Variants in DNM1 observed in about 807,000 individuals in gnomAD.
The protein encoded by DNM1 is dynamin 1, also known as dynamin-1.
In DNM1, 29 loss-of-function variants were observed where a neutral mutation model predicts 104.6. That is an observed-to-expected ratio of 0.28 (90% CI 0.21 to 0.38). The LOEUF (loss-of-function observed/expected upper bound fraction) is 0.38, where lower values mean the gene tolerates loss of function less well. DNM1 is among the 10% of genes least tolerant of loss of function. The pLI is 1.00. For synonymous variants in DNM1, 445 were observed against 475.8 expected, an observed-to-expected ratio of 0.94 and a Z score of 0.84; for missense variants, 640 against 1,189.4, an observed-to-expected ratio of 0.54 and a Z score of 6.79.
Position 128,218,655 on chromosome 9 carries a change from C to G in DNM1, c.309C>G (p.Ala103=). The G allele has an allele frequency of 1.2e-6, 2 of 1,613,474 alleles. No individual in the cohort carries two copies. The highest frequency in any genetic ancestry group is 1.7e-6 in the Non-Finnish European group (2 of 1,179,664). Residue 103 remains alanine (A), a synonymous_variant, in exon 3 of 22, where the codon GCC becomes GCG. Transcript: ENST00000372923. This position sits in a 1 kb window ranked among gnomAD's most constrained non-coding sequence, Gnocchi z 4.8. ...AGGAGGTGCGCCTTGAGATCGAGGC[C>G]GAGACCGACAGGGTCACCGGCACCA... ...DFEEVRLEIE[A]ETDRVTGTNK...
intron 10 of DNM1, among the ~76,000 whole-genome samples, chr9:128,231,731 G>A (rs1204622353): frequency 6.6e-6 from 1 of 152,144 alleles, no homozygotes; most frequent in Admixed American, 6.5e-5. Context: ...TTTAATGTTG[G>A]GCATGGGATG....
chr9:128,244,589 G>C, intron 15 of DNM1: 1 of 196,052 alleles, frequency 5.1e-6, no homozygotes, highest in Non-Finnish European at 1.1e-5. Flanking sequence ...CCCCCAACCA[G>C]TCCCACACAG....
chr9:128,250,421 GA>G, intron 20 of DNM1, 65 bp downstream of exon 20: 6 of 1,477,794 alleles, frequency 4.1e-6, no homozygotes, highest in Non-Finnish European at 5.4e-6. Context: ...GGAATGCCGG[GA>G]CCGGGCAGTG....
In DNM1 at chr9:128,220,923, T is replaced by TTCTTTCTTTCTTTC; in HGVS notation, c.849+595_849+596insCTCTTTCTTTCTTT. ...TTTCTTTCTTTCTTTCTTTCTTTCT[T>TTCTTTCTTTCTTTC]TCTTTCTTTCTTTTCTTTTCTTTCT... On this transcript the variant is annotated intron_variant, in intron 6 of 21. Coordinates refer to ENST00000372923, the MANE Select transcript of DNM1 (RefSeq NM_004408.4). This position sits in a 1 kb window ranked among gnomAD's most constrained non-coding sequence, Gnocchi z 5.2. Among the ~76,000 whole-genome samples the TTCTTTCTTTCTTTC allele has an allele frequency of 6.7e-6, 1 of 148,422 alleles. No homozygotes were observed. The highest frequency in any genetic ancestry group is 2.0e-4 in the East Asian group (1 of 5,060).
chr9:128,217,938 G>A (rs923116693), intron 1 of DNM1, among the ~76,000 whole-genome samples: 2 of 152,158 alleles, frequency 1.3e-5, no homozygotes, highest in Non-Finnish European at 2.9e-5. Context: ...TGGCTGAGTT[G>A]GGGCAGGGAC....
At position 128,240,338 on chromosome 9, in the gene DNM1, C is replaced by G. The variant is rs1261597918; in HGVS notation, c.1557+342C>G. 3.1e-6 allele frequency: 1 copy of G among 317,976 alleles called. No homozygotes were observed. The highest frequency in any genetic ancestry group is 3.7e-5 in the South Asian group (1 of 26,672). The allele number at this position is 317,976 out of a possible 1,614,324, so 19.7% of individuals were successfully genotyped here. On this transcript the variant is annotated intron_variant, in intron 14 of 21. Transcript: ENST00000372923. This position sits in a 1 kb window ranked among gnomAD's most constrained non-coding sequence, Gnocchi z 5.1. ...ACATTTTTAAGAAGCTGACAGCCATCGCCTCCGGACTTGAATGAAGAGACG... is the reference window on the plus strand; with the variant it reads ...ACATTTTTAAGAAGCTGACAGCCATGGCCTCCGGACTTGAATGAAGAGACG...
chr9:128,230,155 T>C (rs945331835), intron 10 of DNM1, among the ~76,000 whole-genome samples: 1 of 149,942 alleles, frequency 6.7e-6, no homozygotes, highest in African/African-American at 2.5e-5. Context: ...AGGCGGAGGT[T>C]GCAGTTAGCC....
In DNM1 at chr9:128,243,324, C is replaced by T. The variant is rs1297583316; in HGVS notation, c.1671+979C>T. 6.6e-6 allele frequency among the ~76,000 whole-genome samples: 1 copy of T among 152,100 alleles called. No individual in the cohort carries two copies. Among genetic ancestry groups the T allele is most frequent in the African/African-American group, 2.4e-5 (1 of 41,422 alleles). On this transcript the variant is annotated intron_variant, in intron 15 of 21. Coordinates refer to ENST00000372923, the MANE Select transcript of DNM1 (RefSeq NM_004408.4). This position sits in a 1 kb window ranked among gnomAD's most constrained non-coding sequence, Gnocchi z 4.0. ...GCTTGTGGTAATGAACTCCAGCTGG[C>T]CAAGGAGTGGGGGAAGGGACCCTCT...
chr9:128,222,412 C>T lies in DNM1; in HGVS notation c.993-49C>T. ...CAGCGTGGGGCTCTCCCAGGGTTCC[C>T]TTTGCTGGGCTGCTCCTGCCCCCTC... On this transcript the variant is annotated intron_variant, in intron 7 of 21. Coordinates refer to ENST00000372923, the MANE Select transcript of DNM1 (RefSeq NM_004408.4). This position sits in a 1 kb window ranked among gnomAD's most constrained non-coding sequence, Gnocchi z 7.8. 6.2e-7 allele frequency: 1 copy of T among 1,610,524 alleles called. No homozygotes were observed. Among genetic ancestry groups the T allele is most frequent in the East Asian group, 2.2e-5 (1 of 44,768 alleles).
chr9:128,242,184 G>T, intron 14 of DNM1, 48 bp from the exon 15 acceptor site: 2 of 1,080,962 alleles, frequency 1.9e-6, no homozygotes, highest in South Asian at 1.3e-5. Flanking sequence ...ATCCCCCATG[G>T]GGAGGCTCAG....
In DNM1 at chr9:128,253,320, G is replaced by T. The variant is rs1046575662; in HGVS notation, c.2535-1334G>T. The T allele has an allele frequency of 6.4e-6, 4 of 625,252 alleles. No homozygotes were observed. Among genetic ancestry groups the T allele is most frequent in the Non-Finnish European group, 1.1e-5 (4 of 353,200 alleles). 38.7% of individuals were successfully genotyped at this position (625,252 alleles called of 1,614,324 possible). ...TGGCTCTCTCACCTCCCTTCCCTGCGAGCCTCGGGACTCAGTGCCACTGCC... is the reference window on the plus strand; with the variant it reads ...TGGCTCTCTCACCTCCCTTCCCTGCTAGCCTCGGGACTCAGTGCCACTGCC... On this transcript the variant is annotated intron_variant, in intron 21 of 21. Coordinates refer to ENST00000372923, the MANE Select transcript of DNM1 (RefSeq NM_004408.4). This position sits in a 1 kb window ranked among gnomAD's most constrained non-coding sequence, Gnocchi z 5.9.
Position 128,218,858 on chromosome 9 carries a change from C to A in DNM1, c.385+127C>A, listed in dbSNP as rs1330344072. 7 of 1,373,338 alleles carry A rather than the reference C, an allele frequency of 5.1e-6. No homozygotes were observed. In the African/African-American group the frequency reaches 1.0e-4, roughly 20 times the overall value. 85.1% of individuals were successfully genotyped at this position (1,373,338 alleles called of 1,614,324 possible). ...TGCCTCTGCATCATCCTATTCCAAG[C>A]TCCACCCTGCCGTGATTCCGCCCAC... is the stretch of plus-strand genomic sequence containing the variant. On this transcript the variant is annotated intron_variant, in intron 3 of 21. Coordinates refer to ENST00000372923, the MANE Select transcript of DNM1 (RefSeq NM_004408.4). This position sits in a 1 kb window ranked among gnomAD's most constrained non-coding sequence, Gnocchi z 4.8.
In DNM1 at chr9:128,218,545, A is replaced by G; in HGVS notation, c.236-37A>G. On this transcript the variant is annotated intron_variant, in intron 2 of 21. Coordinates refer to ENST00000372923, the MANE Select transcript of DNM1 (RefSeq NM_004408.4). The surrounding 1 kb of genome is among the most constrained non-coding windows in gnomAD (Gnocchi z 4.8). The stretch of plus-strand genomic sequence containing the variant: ...CCCCCAGGTGGGGTTCCAGACCTTG[A>G]TGCCTACTGCCCTTCCCCTGCCCGC... The G allele has an allele frequency of 6.3e-7, 1 of 1,587,768 alleles. No individual in the cohort carries two copies. The highest frequency in any genetic ancestry group is 8.6e-7 in the Non-Finnish European group (1 of 1,162,638).
At position 128,224,448 on chromosome 9, in the gene DNM1, G is replaced by C. The variant is rs898887106; in HGVS notation, c.1335+59G>C. On this transcript the variant is annotated intron_variant, in intron 10 of 21. Coordinates refer to ENST00000372923, the MANE Select transcript of DNM1 (RefSeq NM_004408.4). This position sits in a 1 kb window ranked among gnomAD's most constrained non-coding sequence, Gnocchi z 4.3. ...TCTGCCCCGCCCTGCACTGCTGCCA[G>C]GCGCTCCTTCCCCATGTCCCCCCCT... The C allele has an allele frequency of 3.9e-6, 6 of 1,537,766 alleles. No homozygotes were observed. Among genetic ancestry groups the C allele is most frequent in the Non-Finnish European group, 5.3e-6 (6 of 1,132,670 alleles).
At chr9:128,231,515 ATTGGT>A (rs1224544301) in intron 10 of DNM1, among the ~76,000 whole-genome samples, 5 of 151,884 alleles carry the variant, frequency 3.3e-5, no homozygotes, top group African/African-American at 1.2e-4. Flanking sequence ...TTGCCTTTTG[ATTGGT>A]TTAGTGGATC....
chr9:128,254,688 A>G lies in DNM1; in HGVS notation c.2569A>G (p.Ser857Gly). Residue 857 changes from serine (S) to glycine (G), a missense_variant, in exon 22 of 22, where the codon AGC becomes GGC. By Grantham distance (56) the Ser-to-Gly change is moderately conservative (BLOSUM62 0). Around this residue, in one of 7 missense-constraint regions of DNM1, gnomAD observed 37 missense variants for 35.6 expected, o/e 1.04. Coordinates refer to ENST00000372923, the MANE Select transcript of DNM1 (RefSeq NM_004408.4). The surrounding 1 kb of genome is among the most constrained non-coding windows in gnomAD (Gnocchi z 6.1). ...TCAGGCAAGTCCATCCCGTCCTGAGAGCCCCAGGCCCCCCTTCGACCTCTA... is the reference window on the plus strand; with the variant it reads ...TCAGGCAAGTCCATCCCGTCCTGAGGGCCCCAGGCCCCCCTTCGACCTCTA... ...SGQASPSRPE[S>G]PRPPFDL The G allele has an allele frequency of 6.3e-7, 1 of 1,595,490 alleles. No individual in the cohort carries two copies. The highest frequency in any genetic ancestry group is 8.5e-7 in the Non-Finnish European group (1 of 1,179,462).
At chr9:128,225,746 G>A (rs1835301653) in intron 10 of DNM1, among the ~76,000 whole-genome samples, 2 of 152,060 alleles carry the variant, frequency 1.3e-5, no homozygotes, top group Non-Finnish European at 2.9e-5. Context: ...GGTCTTGTAC[G>A]GAGCAGGGGC....
intron 1 of DNM1, among the ~76,000 whole-genome samples, chr9:128,214,064 C>G (rs1202769277): frequency 6.6e-6 from 1 of 152,100 alleles, no homozygotes; most frequent in African/African-American, 2.4e-5. Flanking sequence ...TGCCCACCCC[C>G]CTTGCCTTCC....
In DNM1 at chr9:128,220,348, G is replaced by T. The variant is rs779667787; in HGVS notation, c.849+7G>T. 6.2e-7 allele frequency: 1 copy of T among 1,612,854 alleles called. No individual in the cohort carries two copies. Among genetic ancestry groups the T allele is most frequent in the Admixed American group, 1.7e-5 (1 of 60,024 alleles). ...GCAGAAGGTCCTCAATCAGGTAGGC[G>T]ACCAAGCCAGGATGGGGCCTGGGGA... On this transcript the variant is annotated splice_region_variant and intron_variant, in intron 6 of 21. Coordinates refer to ENST00000372923, the MANE Select transcript of DNM1 (RefSeq NM_004408.4). This position sits in a 1 kb window ranked among gnomAD's most constrained non-coding sequence, Gnocchi z 5.2.
Sources: gnomAD v4.1 joint callset for allele counts (sites outside exome capture counted in the v4.1 genomes callset) on GRCh38, gnomAD v4.1.1 for gene constraint, gnomAD v4.1.1 regional missense constraint, Gnocchi (gnomAD v3.1) non-coding constraint, MANE v1.5 for transcripts, NCBI Gene and HGNC (gene_info 2026-07-23, HGNC 2026-07-21) for gene names.